Variants in ANKS1B observed in about 807,000 individuals in gnomAD.
ANKS1B encodes ankyrin repeat and sterile alpha motif domain-containing protein 1B.
Under a neutral mutation model 148.3 loss-of-function variants are expected in ANKS1B, and 36 were observed. That is an observed-to-expected ratio of 0.24 (90% confidence interval 0.19 to 0.32). The LOEUF is 0.32. ANKS1B is among the 10% of genes least tolerant of loss of function. ANKS1B has a pLI of 1.00. For missense variants in ANKS1B, 1,157 were observed against 1,542.6 expected, an observed-to-expected ratio of 0.75 and a Z score of 4.19; for synonymous variants, 542 against 560.8, an observed-to-expected ratio of 0.97 and a Z score of 0.47.
chr12:99,184,672 G>A (rs1020660094), intron 14 of ANKS1B, among the ~76,000 whole-genome samples: 22 of 152,114 alleles, frequency 1.4e-4, no homozygotes, highest in African/African-American at 4.6e-4. Context: ...ATCTAAGTTC[G>A]TCAAGAGTTA....
At chr12:99,951,950 A>G (rs2095232235) in intron 1 of ANKS1B, among the ~76,000 whole-genome samples, 4 of 152,204 alleles carry the variant, frequency 2.6e-5, no homozygotes, top group Admixed American at 1.3e-4. Flanking sequence ...TGTTTTCATG[A>G]TAATCACAGA....
intron 19 of ANKS1B, among the ~76,000 whole-genome samples, chr12:98,820,748 G>A (rs1389012662): frequency 1.3e-5 from 2 of 152,156 alleles, no homozygotes; most frequent in African/African-American, 4.8e-5. Flanking sequence ...AAGAGCACCA[G>A]TGTTAACTAG....
At chr12:99,395,033 C>T (rs1291754935) in intron 12 of ANKS1B, among the ~76,000 whole-genome samples, 1 of 152,090 alleles carries the variant, frequency 6.6e-6, no homozygotes, top group African/African-American at 2.4e-5. Context: ...TCTCATATAC[C>T]ATGTCCACTC....
intron 17 of ANKS1B, chr12:98,894,876 G>A: frequency 2.1e-5 from 21 of 977,304 alleles, no homozygotes; most frequent in Non-Finnish European, 2.5e-5. Context: ...AGCTCCCCGG[G>A]CCCGCGCGCG....
chr12:99,542,387 A>G (rs1383489973), intron 9 of ANKS1B, among the ~76,000 whole-genome samples: 1 of 152,206 alleles, frequency 6.6e-6, no homozygotes, highest in Non-Finnish European at 1.5e-5. Context: ...ATTTAAAAAC[A>G]TAGTTGAAAT....
Position 98,911,949 on chromosome 12 carries a change from A to C in ANKS1B, c.2779-79813T>G, listed in dbSNP as rs73382422. ...TTGACTGGGTGCCTTTGCCTGTGGG[A>C]CTCTCTGCCCTTAGCATCTTTCAAT... On this transcript the variant is annotated intron_variant, in intron 17 of 26. Coordinates refer to ENST00000683438, the MANE Select transcript of ANKS1B (RefSeq NM_001352186.2). 4.4e-3 allele frequency among the ~76,000 whole-genome samples: 668 copies of C among 151,724 alleles called. 8 individuals carry two copies. The highest frequency in any genetic ancestry group is 0.015 in the African/African-American group (638 of 41,314).
downstream of ANKS1B, chr12:98,743,915 T>C (rs551233414): frequency 7.2e-6 from 6 of 836,544 alleles, no homozygotes; most frequent in Middle Eastern, 6.1e-4. Context: ...GGCTGGGCCT[T>C]TGGTTCTGCT....
intron 12 of ANKS1B, among the ~76,000 whole-genome samples, chr12:99,385,239 C>A (rs149296813): frequency 0.016 from 2,450 of 152,190 alleles, 69 homozygotes; most frequent in African/African-American, 0.056. Context: ...GAGGCCGAGG[C>A]GGGTGGATCA....
chr12:98,834,326 C>T (rs1278296395), intron 17 of ANKS1B, among the ~76,000 whole-genome samples: 1 of 152,172 alleles, frequency 6.6e-6, no homozygotes, highest in East Asian at 1.9e-4. Flanking sequence ...TGTAAGTGAA[C>T]CATGGCTTTA....
At chr12:99,199,964 A>G (rs2081874104) in intron 14 of ANKS1B, among the ~76,000 whole-genome samples, 1 of 152,194 alleles carries the variant, frequency 6.6e-6, no homozygotes, top group African/African-American at 2.4e-5. Flanking sequence ...GTGATGAAAA[A>G]GGGCAAAGGA....
rs146711956 is a variant in ANKS1B, at chr12:99,762,792, T to C, written c.1128+10130A>G. ...ACAAAGGTCTAATATCCAGAATCTA[T>C]AAGGAACTTAAAAAGTCAACAAGCA... On this transcript the variant is annotated intron_variant, in intron 8 of 26. Coordinates refer to ENST00000683438, the MANE Select transcript of ANKS1B (RefSeq NM_001352186.2). Among the ~76,000 whole-genome samples, 540 of 151,942 alleles carry C rather than the reference T, an allele frequency of 3.6e-3. 19 individuals are homozygous for C. The South Asian group carries it at 0.054, about 15-fold the overall frequency.
At chr12:99,288,991 G>T (rs1408429682) in intron 12 of ANKS1B, among the ~76,000 whole-genome samples, 1 of 151,876 alleles carries the variant, frequency 6.6e-6, no homozygotes, top group African/African-American at 2.4e-5. Flanking sequence ...AAGACCCATT[G>T]ATCCGCTACA....
intron 17 of ANKS1B, among the ~76,000 whole-genome samples, chr12:99,017,784 T>C (rs2099943422): frequency 6.6e-6 from 1 of 152,160 alleles, no homozygotes; most frequent in South Asian, 2.1e-4. Flanking sequence ...AATACTGTGG[T>C]CTCAGAGGAT....
chr12:99,627,186 T>C (rs1323582034), intron 9 of ANKS1B, among the ~76,000 whole-genome samples: 1 of 152,198 alleles, frequency 6.6e-6, no homozygotes, highest in Non-Finnish European at 1.5e-5. Context: ...GAACTATTTA[T>C]TGACATATGC....
chr12:99,790,445 T>G (rs867095676), intron 4 of ANKS1B, among the ~76,000 whole-genome samples: 2 of 152,060 alleles, frequency 1.3e-5, no homozygotes, highest in Non-Finnish European at 2.9e-5. Flanking sequence ...TCACTGGTAA[T>G]AGCCCACAGA....
chr12:99,657,118 G>T (rs1404419800), intron 8 of ANKS1B, among the ~76,000 whole-genome samples: 1 of 152,122 alleles, frequency 6.6e-6, no homozygotes, highest in Non-Finnish European at 1.5e-5. Flanking sequence ...GTGACTTGGA[G>T]TATCACTGGC....
At chr12:98,996,439 AAG>A (rs910359317) in intron 17 of ANKS1B, among the ~76,000 whole-genome samples, 1 of 152,114 alleles carries the variant, frequency 6.6e-6, no homozygotes, top group African/African-American at 2.4e-5. Context: ...CCCCACTGAA[AAG>A]AGTCTATCCA....
intron 10 of ANKS1B, among the ~76,000 whole-genome samples, chr12:99,469,088 C>T (rs912137326): frequency 1.3e-5 from 2 of 152,064 alleles, no homozygotes; most frequent in Non-Finnish European, 2.9e-5. Flanking sequence ...GGCACATATA[C>T]ACCATGGAAT....
intron 14 of ANKS1B, among the ~76,000 whole-genome samples, chr12:99,177,787 G>C (rs1292688572): frequency 4.6e-5 from 7 of 152,190 alleles, no homozygotes; most frequent in Non-Finnish European, 7.3e-5. Context: ...CACAAGTGAT[G>C]ACCTTGGCAA....
Sources: allele counts gnomAD v4.1 joint callset (sites outside exome capture counted in the v4.1 genomes callset), GRCh38; gene constraint gnomAD v4.1.1; transcripts MANE v1.5; gene names NCBI Gene and HGNC (gene_info 2026-07-23, HGNC 2026-07-21).